Variants in SLIT2 observed in about 807,000 individuals in gnomAD.
SLIT2 encodes slit guidance ligand 2.
A neutral mutation model predicts 185.7 loss-of-function variants in SLIT2; 41 were observed. The ratio of observed to expected loss-of-function variants is 0.22; its 90% CI spans 0.17 to 0.29. The LOEUF (loss-of-function observed/expected upper bound fraction) is 0.29, where lower values mean the gene tolerates loss of function less well. Ranked by LOEUF, SLIT2 falls within the 10% of genes least tolerant of loss-of-function variation. SLIT2 has a pLI of 1.00. For synonymous variants in SLIT2, 693 were observed against 680.2 expected (o/e 1.02, Z -0.29); for missense variants, 1,571 against 1,909.0 (o/e 0.82, Z 3.30).
chr4:20,606,864 A>G (rs1159702771), intron 33 of SLIT2, among the ~76,000 whole-genome samples: 4 of 152,188 alleles, frequency 2.6e-5, no homozygotes, highest in Admixed American at 6.5e-5. Flanking sequence ...TTCCCAGGCT[A>G]TTTGGGACAG....
At chr4:20,424,267 A>G (rs1728381565) in intron 4 of SLIT2, among the ~76,000 whole-genome samples, 1 of 152,090 alleles carries the variant, frequency 6.6e-6, no homozygotes, top group Admixed American at 6.6e-5. Context: ...ACAAAGTTTT[A>G]TTGTTCTCTG....
chr4:20,299,962 T>C (rs1430496345), intron 4 of SLIT2, among the ~76,000 whole-genome samples: 1 of 128,720 alleles, frequency 7.8e-6, no homozygotes, highest in Non-Finnish European at 1.7e-5. Context: ...TTAAAATGTA[T>C]GATATCATCA....
chr4:20,523,427 G>A (rs1193806087), intron 12 of SLIT2, among the ~76,000 whole-genome samples: 1 of 152,196 alleles, frequency 6.6e-6, no homozygotes, highest in Non-Finnish European at 1.5e-5. Flanking sequence ...ATGTCTTAGA[G>A]CATTTTTATG....
intron 15 of SLIT2, among the ~76,000 whole-genome samples, chr4:20,527,431 C>T (rs541952706): frequency 3.9e-5 from 6 of 152,094 alleles, no homozygotes; most frequent in East Asian, 3.9e-4. Flanking sequence ...GGACTACAGG[C>T]GCCCGCAACC....
chr4:20,450,923 A>G (rs893208042), intron 4 of SLIT2, among the ~76,000 whole-genome samples: 1 of 152,216 alleles, frequency 6.6e-6, no homozygotes, highest in Non-Finnish European at 1.5e-5. Context: ...AACAAAGTAA[A>G]AAGAAAAAGG....
At chr4:20,354,898 T>TGAGA (rs1295039840) in intron 4 of SLIT2, among the ~76,000 whole-genome samples, 155 of 124,152 alleles carry the variant, frequency 1.2e-3, no homozygotes, top group African/African-American at 4.7e-3. Flanking sequence ...TGTGTGTGTG[T>TGAGA]GTGTGTGTGA....
intron 4 of SLIT2, among the ~76,000 whole-genome samples, chr4:20,276,219 G>A (rs1038351098): frequency 6.6e-6 from 1 of 152,058 alleles, no homozygotes; most frequent in African/African-American, 2.4e-5. Context: ...ACCAGAAGTC[G>A]TTTTGTTTTG....
At chr4:20,382,841 A>G (rs973153263) in intron 4 of SLIT2, among the ~76,000 whole-genome samples, 5 of 152,128 alleles carry the variant, frequency 3.3e-5, no homozygotes, top group Non-Finnish European at 7.4e-5. Context: ...TGAATAGCCA[A>G]AGTAATTTGA....
intron 4 of SLIT2, among the ~76,000 whole-genome samples, chr4:20,367,627 T>A (rs7686500): frequency 7.6e-4 from 115 of 152,278 alleles, no homozygotes; most frequent in African/African-American, 2.6e-3. Context: ...TTCAGAAAAG[T>A]TCTGAAGTGA....
chr4:20,495,615 AAT>A (rs1210225150), intron 9 of SLIT2, among the ~76,000 whole-genome samples: 1 of 152,200 alleles, frequency 6.6e-6, no homozygotes, highest in East Asian at 1.9e-4. Context: ...TATACTAAAT[AAT>A]ATGTCCCGTG....
At chr4:20,599,543 A>G (rs1437032432) in intron 33 of SLIT2, among the ~76,000 whole-genome samples, 1 of 152,238 alleles carries the variant, frequency 6.6e-6, no homozygotes, top group Non-Finnish European at 1.5e-5. Flanking sequence ...TGTTGGCAAT[A>G]TAAAAGAAGT....
chr4:20,550,138 A>G (rs1462986950), intron 24 of SLIT2, among the ~76,000 whole-genome samples: 1 of 152,074 alleles, frequency 6.6e-6, no homozygotes, highest in Non-Finnish European at 1.5e-5. Context: ...AATATTATTT[A>G]TTCTTTTATT....
intron 4 of SLIT2, among the ~76,000 whole-genome samples, chr4:20,419,710 T>TGTGTGTGTGTG (rs1553898834): frequency 1.0e-4 from 15 of 146,358 alleles, no homozygotes; most frequent in South Asian, 4.3e-4. Flanking sequence ...TGTGTGTGTG[T>TGTGTGTGTGTG]TGCAAAAATA....
In SLIT2 at chr4:20,618,918, G is replaced by A. The variant is rs766242125; in HGVS notation, c.4499G>A (p.Arg1500Gln). The change falls in exon 37 of 37, where the codon CGG becomes CAG. Residue 1500 changes from arginine to glutamine, a missense_variant. Physicochemically the swap from Arg to Gln is conservative, Grantham distance 43. This residue lies in a region of SLIT2 where 223 missense variants were observed against 245.2 expected (regional missense o/e 0.91). Transcript: ENST00000504154. ...QCCGPLRSKR[R>Q]KYSFECTDGS... is the part of the protein sequence containing the mutation. The stretch of plus-strand genomic sequence containing the variant: ...TGTGGACCGCTGAGGAGCAAGCGGC[G>A]GAAATACTCTTTCGAATGCACTGAC... The A allele has an allele frequency of 1.5e-5, 24 of 1,613,980 alleles. No individual in the cohort carries two copies. Among genetic ancestry groups the A allele is most frequent in the South Asian group, 6.6e-5 (6 of 91,086 alleles).
At chr4:20,367,221 T>G (rs1577511551) in intron 4 of SLIT2, among the ~76,000 whole-genome samples, 1 of 152,292 alleles carries the variant, frequency 6.6e-6, no homozygotes, top group South Asian at 2.1e-4. Flanking sequence ...CAGAAAATAG[T>G]TATTGCTTGC....
At chr4:20,366,001 T>C (rs1327359382) in intron 4 of SLIT2, among the ~76,000 whole-genome samples, 2 of 152,178 alleles carry the variant, frequency 1.3e-5, no homozygotes, top group Non-Finnish European at 2.9e-5. Context: ...CAAAAAATTA[T>C]GTTAATTAGT....
At chr4:20,574,520 C>T (rs1451364538) in intron 29 of SLIT2, among the ~76,000 whole-genome samples, 2 of 152,134 alleles carry the variant, frequency 1.3e-5, no homozygotes, top group Non-Finnish European at 2.9e-5. Flanking sequence ...GGCACAGTGG[C>T]TTACGCCTGC....
At chr4:20,368,359 C>T (rs1171385487) in intron 4 of SLIT2, among the ~76,000 whole-genome samples, 2 of 149,516 alleles carry the variant, frequency 1.3e-5, no homozygotes, top group African/African-American at 4.9e-5. Flanking sequence ...AAAAGATTAA[C>T]AGAAAACAAA....
At chr4:20,571,659 G>T (rs1398158924) in intron 29 of SLIT2, among the ~76,000 whole-genome samples, 1 of 152,166 alleles carries the variant, frequency 6.6e-6, no homozygotes, top group Admixed American at 6.6e-5. Context: ...TTTGGAATCT[G>T]ATTAATGAGC....
Sources: gnomAD v4.1 joint callset for allele counts (sites outside exome capture counted in the v4.1 genomes callset) on GRCh38, gnomAD v4.1.1 for gene constraint, gnomAD v4.1.1 regional missense constraint, MANE v1.5 for transcripts, NCBI Gene and HGNC (gene_info 2026-07-23, HGNC 2026-07-21) for gene names.